The following SLF2 variants were observed in gnomAD, a reference collection of about 807,000 sequenced individuals.
The protein encoded by SLF2 is SMC5/6 complex localization factor 2.
Under a neutral mutation model 124.3 loss-of-function variants are expected in SLF2, and 68 were observed. That is an observed-to-expected ratio of 0.55 (90% CI 0.45 to 0.67). SLF2 has a LOEUF of 0.67. SLF2 is among the 30% of genes least tolerant of loss of function. SLF2 has a pLI of 0.00. For missense variants in SLF2, 1,246 were observed against 1,373.7 expected, an observed-to-expected ratio of 0.91 and a Z score of 1.47; for synonymous variants, 480 against 478.8, an observed-to-expected ratio of 1.00 and a Z score of -0.03.
chr10:100,925,082 A>AT (rs1564772808), intron 5 of SLF2, 110 bp downstream of exon 5: 2 of 1,097,132 alleles, frequency 1.8e-6, no homozygotes, highest in Non-Finnish European at 1.3e-6. Flanking sequence ...ATTATAACTC[A>AT]TATTTGTACT....
chr10:100,952,025 C>G (rs1028567388), intron 17 of SLF2, among the ~76,000 whole-genome samples: 3 of 152,126 alleles, frequency 2.0e-5, no homozygotes, highest in African/African-American at 7.2e-5. Flanking sequence ...GGGTGGATCA[C>G]TTGAGGTCAG....
intron 18 of SLF2, 50 bp downstream of exon 18, chr10:100,956,587 C>A: frequency 7.3e-7 from 1 of 1,369,166 alleles, no homozygotes; most frequent in Non-Finnish European, 1.0e-6. Context: ...ATCTTGGTTA[C>A]GTTAATATTT....
intron 19 of SLF2, among the ~76,000 whole-genome samples, chr10:100,961,484 T>G (rs1757640112): frequency 6.6e-6 from 1 of 152,232 alleles, no homozygotes; most frequent in Admixed American, 6.5e-5. Flanking sequence ...AGAAATCTTA[T>G]ATTTATGTTT....
chr10:100,924,171 A>G lies in SLF2; in HGVS notation c.1170A>G (p.Glu390=), dbSNP rs760234008. ...CACCTGGTGATGTGTTGCGCTTAGAAGATATATCCAAGGAACCGAGTGATG... is the reference window on the plus strand; with the variant it reads ...CACCTGGTGATGTGTTGCGCTTAGAGGATATATCCAAGGAACCGAGTGATG... ...LKTPGDVLRL[E]DISKEPSDET... Residue 390 remains glutamate (E), a synonymous_variant, in exon 5 of 20, where the codon GAA becomes GAG. Coordinates refer to ENST00000238961, the MANE Select transcript of SLF2 (RefSeq NM_018121.4). 14 of 1,613,986 alleles carry G rather than the reference A, an allele frequency of 8.7e-6. No homozygotes were observed. The highest frequency in any genetic ancestry group is 9.3e-6 in the Non-Finnish European group (11 of 1,180,008).
intron 1 of SLF2, chr10:100,913,822 T>G: frequency 1.0e-6 from 1 of 985,608 alleles, no homozygotes; most frequent in Non-Finnish European, 1.2e-6. Flanking sequence ...GTGGGAGCTA[T>G]GTAATGAGAT....
chr10:100,953,474 A>C (rs1348838901), intron 17 of SLF2, among the ~76,000 whole-genome samples: 1 of 151,322 alleles, frequency 6.6e-6, no homozygotes, highest in Non-Finnish European at 1.5e-5. Flanking sequence ...AAAAAAAAAA[A>C]ATTTAGTGAT....
At position 100,962,868 on chromosome 10, in the gene SLF2, T is replaced by C. The variant is rs35604965; in HGVS notation, c.*956T>C. ...GTGTGTGTGTGTGTGTGTGTGTGTG[T>C]GCGCTTGTATCTTGAAGTTGTTGCA... On this transcript the variant is annotated 3_prime_UTR_variant, in exon 20 of 20. Transcript: ENST00000238961. 0.095 allele frequency: 14,422 copies of C among 152,058 alleles called. 754 individuals carry two copies. Among genetic ancestry groups the C allele is most frequent in the Non-Finnish European group, 0.12 (7,828 of 67,864 alleles). 9.4% of individuals were successfully genotyped at this position (152,058 alleles called of 1,614,324 possible). A position where few individuals can be genotyped will look rare whatever the true frequency, so the allele number is the denominator to read the frequency against.
At position 100,918,634 on chromosome 10, in the gene SLF2, G is replaced by C. The variant is rs1011045735; in HGVS notation, c.973+193G>C. 2.6e-5 allele frequency among the ~76,000 whole-genome samples: 4 copies of C among 152,094 alleles called. No individual in the cohort carries two copies. The East Asian group carries it at 7.7e-4, about 29-fold the overall frequency. ...AATCTAGTACTTATAATTTGGGTTTGTTTTTGAGACAGGGTCTTACTCTGT... is the reference window on the plus strand; with the variant it reads ...AATCTAGTACTTATAATTTGGGTTTCTTTTTGAGACAGGGTCTTACTCTGT... On this transcript the variant is annotated intron_variant, in intron 4 of 19. Coordinates refer to ENST00000238961, the MANE Select transcript of SLF2 (RefSeq NM_018121.4).
intron 2 of SLF2, among the ~76,000 whole-genome samples, 171 bp from the exon 3 acceptor site, chr10:100,916,399 A>C (rs191830551): frequency 0.012 from 1,842 of 152,238 alleles, 18 homozygotes; most frequent in Non-Finnish European, 0.016. Flanking sequence ...TCATCTCTTA[A>C]TTTCTCCTAT....
At position 100,925,954 on chromosome 10, in the gene SLF2, T is replaced by C. The variant is rs1239648415; in HGVS notation, c.1977T>C (p.His659=). Residue 659 remains histidine (H), a synonymous_variant, in exon 6 of 20, where the codon CAT becomes CAC. Coordinates refer to ENST00000238961, the MANE Select transcript of SLF2 (RefSeq NM_018121.4). The part of the protein sequence containing the change: ...LRSQSSDYTG[H]VHPGTYTNTL... ...TCTAAATGTTCTTGTTTTAGGGACA[T>C]GTTCATCCTGGAACTTACACAAATA... 1 of 1,591,606 alleles carries C rather than the reference T, an allele frequency of 6.3e-7. No homozygotes were observed. The highest frequency in any genetic ancestry group is 8.6e-7 in the Non-Finnish European group (1 of 1,168,946).
At position 100,964,369 on chromosome 10, in the gene SLF2, G is replaced by A. The variant is rs1176680185; in HGVS notation, c.*2457G>A. On this transcript the variant is annotated 3_prime_UTR_variant, in exon 20 of 20. Coordinates refer to ENST00000238961, the MANE Select transcript of SLF2 (RefSeq NM_018121.4). ...AAGCTGCACATTAAGGTACTTGTAA[G>A]TGTTTATGCTTTTGTGTGTAACTGT... The A allele has an allele frequency of 3.9e-5, 6 of 152,746 alleles. No homozygotes were observed. In the East Asian group the frequency reaches 5.8e-4, roughly 15 times the overall value. 9.5% of individuals were successfully genotyped at this position (152,746 alleles called of 1,614,324 possible).
intron 9 of SLF2, among the ~76,000 whole-genome samples, chr10:100,931,744 A>G (rs1849739869): frequency 6.6e-6 from 1 of 152,184 alleles, no homozygotes; most frequent in Non-Finnish European, 1.5e-5. Flanking sequence ...CTGCAATCCC[A>G]GCACTTTGGG....
chr10:100,914,120 T>C (rs562051487), intron 1 of SLF2, among the ~76,000 whole-genome samples: 19 of 152,348 alleles, frequency 1.2e-4, no homozygotes, highest in Admixed American at 1.1e-3. Context: ...GTGTGAATAT[T>C]CATGTTTTGC....
intron 14 of SLF2, among the ~76,000 whole-genome samples, chr10:100,947,401 T>G (rs949733498): frequency 2.0e-5 from 3 of 152,126 alleles, no homozygotes; most frequent in Admixed American, 1.3e-4. Context: ...TAATTTTAGT[T>G]TATCTGTTAC....
In SLF2 at chr10:100,931,733, C is replaced by A. The variant is rs547364188; in HGVS notation, c.2436+655C>A. 7.9e-5 allele frequency among the ~76,000 whole-genome samples: 12 copies of A among 152,264 alleles called. No homozygotes were observed. The South Asian group carries it at 2.5e-3, about 32-fold the overall frequency. ...TATCAGCCAGGAGTGGTGGCTCATG[C>A]CTGCAATCCCAGCACTTTGGGAGGC... On this transcript the variant is annotated intron_variant, in intron 9 of 19. Transcript: ENST00000238961.
intron 10 of SLF2, among the ~76,000 whole-genome samples, chr10:100,938,191 T>G (rs548347320): frequency 3.1e-4 from 47 of 152,318 alleles, no homozygotes; most frequent in Middle Eastern, 6.8e-3. Context: ...TTTCTCATCT[T>G]TGAGAGCCCT....
intron 18 of SLF2, among the ~76,000 whole-genome samples, chr10:100,957,650 C>T (rs2133832910): frequency 6.6e-6 from 1 of 151,910 alleles, no homozygotes; most frequent in African/African-American, 2.4e-5. Context: ...TGAGCCACCA[C>T]ACCCAGCCAG....
chr10:100,943,574 G>A (rs1850020374), intron 11 of SLF2: 1 of 152,334 alleles, frequency 6.6e-6, no homozygotes, highest in Non-Finnish European at 1.5e-5. Context: ...AGAGTGCTTT[G>A]AATTGTTTCT....
chr10:100,925,030 A>G (rs1423090227), intron 5 of SLF2, 58 bp downstream of exon 5: 1 of 1,491,228 alleles, frequency 6.7e-7, no homozygotes, highest in African/African-American at 1.4e-5. Context: ...TTAATTAGTG[A>G]AAGGGGTGGA....
Sources: allele counts gnomAD v4.1 joint callset (sites outside exome capture counted in the v4.1 genomes callset), GRCh38; gene constraint gnomAD v4.1.1; transcripts MANE v1.5; gene names NCBI Gene and HGNC (gene_info 2026-07-23, HGNC 2026-07-21).